The following CHLSN variants were observed in gnomAD, a reference collection of about 807,000 sequenced individuals.
CHLSN encodes the protein cholesin, also known as protein cholesin.
At chr7:1,087,145 G>T in the CHLSN span, 1 of 152,264 alleles carries the variant, frequency 6.6e-6, no homozygotes, top group East Asian at 1.9e-4. Context: ...AGTCCGGGGA[G>T]GGAGGTTTAT....
chr7:1,066,282 T>C, the CHLSN span, among the ~76,000 whole-genome samples: 1 of 151,674 alleles, frequency 6.6e-6, no homozygotes, highest in East Asian at 1.9e-4. Context: ...GGTGCGGCCG[T>C]AGGTGTCTGC....
the CHLSN span, chr7:985,188 A>G: frequency 1.8e-5 from 28 of 1,570,112 alleles, 1 homozygote; most frequent in South Asian, 1.2e-4. Context: ...CGCTGGCCCT[A>G]CTGGGCTGGG....
chr7:1,099,950 G>A, the CHLSN span, among the ~76,000 whole-genome samples: 1 of 152,226 alleles, frequency 6.6e-6, no homozygotes, highest in Admixed American at 6.5e-5. Context: ...TGCACCTGAG[G>A]GTGGGTTCGG....
chr7:1,104,815 T>G, the CHLSN span, among the ~76,000 whole-genome samples: 1 of 152,266 alleles, frequency 6.6e-6, no homozygotes, highest in Non-Finnish European at 1.5e-5. Context: ...CATCTGTCCA[T>G]TCTGGTACTT....
chr7:1,028,750 C>T, the CHLSN span: 1 of 822,042 alleles, frequency 1.2e-6, no homozygotes, highest in Non-Finnish European at 1.5e-6. Flanking sequence ...CCATCTCCCC[C>T]AGTCTGTCCC....
At chr7:981,486 G>A in the CHLSN span, among the ~76,000 whole-genome samples, 2,919 of 151,952 alleles carry the variant, frequency 0.019, 132 homozygotes, top group East Asian at 0.21. Flanking sequence ...GCCGAGGCGG[G>A]CGGATCATGA....
At chr7:984,583 G>A in the CHLSN span, 1 of 1,558,972 alleles carries the variant, frequency 6.4e-7, no homozygotes, top group South Asian at 1.2e-5. Context: ...AGGTCGGTGT[G>A]TGGCCGGCGC....
the CHLSN span, among the ~76,000 whole-genome samples, chr7:1,123,268 T>A: frequency 6.6e-6 from 1 of 152,214 alleles, no homozygotes; most frequent in East Asian, 1.9e-4. The surrounding 1 kb of genome is among the most constrained non-coding windows in gnomAD (Gnocchi z 4.4). Context: ...GAAGTTCCCA[T>A]CACTTGGGGA....
chr7:1,016,169 G>A, the CHLSN span, among the ~76,000 whole-genome samples: 2 of 97,930 alleles, frequency 2.0e-5, 1 homozygote, highest in Non-Finnish European at 3.8e-5. Flanking sequence ...GCACACAGCA[G>A]CACACAGCAG....
chr7:1,023,728 C>T, the CHLSN span, among the ~76,000 whole-genome samples: 1 of 151,778 alleles, frequency 6.6e-6, no homozygotes, highest in Non-Finnish European at 1.5e-5. This position sits in a 1 kb window ranked among gnomAD's most constrained non-coding sequence, Gnocchi z 5.0. Flanking sequence ...CCTCGTTCTA[C>T]AGAGAAGGGG....
At chr7:1,008,271 G>A in the CHLSN span, among the ~76,000 whole-genome samples, 2 of 152,198 alleles carry the variant, frequency 1.3e-5, no homozygotes, top group Non-Finnish European at 2.9e-5. Context: ...GGCTCGAGAC[G>A]CTGCACTAAC....
At chr7:1,049,279 T>A in the CHLSN span, among the ~76,000 whole-genome samples, 1 of 152,208 alleles carries the variant, frequency 6.6e-6, no homozygotes, top group Non-Finnish European at 1.5e-5. Context: ...CCTTTATATG[T>A]GGGGAGGAGG....
At chr7:1,029,167 G>C in the CHLSN span, 29 of 152,284 alleles carry the variant, frequency 1.9e-4, no homozygotes, top group African/African-American at 7.0e-4. Context: ...TTGCTCTGTC[G>C]CCCAGGCCAG....
chr7:1,088,548 T>C, the CHLSN span, among the ~76,000 whole-genome samples: 3 of 152,140 alleles, frequency 2.0e-5, no homozygotes, highest in Admixed American at 2.0e-4. The surrounding 1 kb of genome is among the most constrained non-coding windows in gnomAD (Gnocchi z 4.5). Flanking sequence ...CTGGACGGCC[T>C]TTCTAACTCG....
chr7:1,070,573 AAC>A, the CHLSN span, among the ~76,000 whole-genome samples: 26 of 134,832 alleles, frequency 1.9e-4, no homozygotes, highest in African/African-American at 3.9e-4. Context: ...CACACACGCA[AAC>A]ACGCACACAC....
chr7:1,132,151 G>A, the CHLSN span, among the ~76,000 whole-genome samples: 264 of 152,308 alleles, frequency 1.7e-3, 2 homozygotes, highest in Non-Finnish European at 2.0e-3. Flanking sequence ...ATTAGGCAAT[G>A]GCCTCTTACA....
At chr7:1,107,233 T>A in the CHLSN span, among the ~76,000 whole-genome samples, 1 of 151,844 alleles carries the variant, frequency 6.6e-6, no homozygotes, top group Non-Finnish European at 1.5e-5. Flanking sequence ...CAACCCACTA[T>A]CCCCAAGCTC....
the CHLSN span, chr7:985,445 G>C: frequency 8.7e-7 from 1 of 1,144,412 alleles, no homozygotes; most frequent in Non-Finnish European, 1.2e-6. Context: ...CTTGCAAAAG[G>C]AATCAGATGC....
the CHLSN span, among the ~76,000 whole-genome samples, chr7:1,019,074 A>C: frequency 8.1e-3 from 1,229 of 152,014 alleles, 12 homozygotes; most frequent in African/African-American, 0.029. Context: ...GCACGTCTGT[A>C]ATCCCAGCTA....
Sources: gnomAD v4.1 joint callset for allele counts (sites outside exome capture counted in the v4.1 genomes callset) on GRCh38, gnomAD v4.1.1 for gene constraint, Gnocchi (gnomAD v3.1) non-coding constraint, MANE v1.5 for transcripts, NCBI Gene and HGNC (gene_info 2026-07-23, HGNC 2026-07-21) for gene names.